The following ACSBG1 variants were observed in gnomAD, a reference collection of about 807,000 sequenced individuals.
The protein encoded by ACSBG1 is long-chain-fatty-acid--CoA ligase ACSBG1.
Under a neutral mutation model 80.2 loss-of-function variants are expected in ACSBG1, and 39 were observed. The ratio of observed to expected loss-of-function variants is 0.49; its 90% CI spans 0.38 to 0.64. ACSBG1 has a LOEUF of 0.64. ACSBG1 is among the 30% of genes least tolerant of loss of function. The probability of loss-of-function intolerance (pLI) is 0.00; values close to 1 mark genes in which losing one functional copy is unlikely to be tolerated. For synonymous variants in ACSBG1, 392 were observed against 379.5 expected (o/e 1.03, Z -0.38); for missense variants, 828 against 966.4 (o/e 0.86, Z 1.90).
At chr15:78,206,439 G>A (rs1472425343) in intron 2 of ACSBG1, among the ~76,000 whole-genome samples, 1 of 152,152 alleles carries the variant, frequency 6.6e-6, no homozygotes, top group Non-Finnish European at 1.5e-5. Context: ...TTGAGGGCAG[G>A]AAAGAAGATT....
At chr15:78,176,120 C>G (rs980713018) in intron 11 of ACSBG1, among the ~76,000 whole-genome samples, 2 of 152,062 alleles carry the variant, frequency 1.3e-5, no homozygotes, top group Non-Finnish European at 2.9e-5. Flanking sequence ...GTTGCCCAGG[C>G]TGGTCTCGAA....
intron 2 of ACSBG1, among the ~76,000 whole-genome samples, chr15:78,206,024 C>T (rs895643281): frequency 6.6e-6 from 1 of 152,188 alleles, no homozygotes; most frequent in Non-Finnish European, 1.5e-5. Flanking sequence ...GCTCCCCCTC[C>T]ACCCCCAAGG....
chr15:78,229,073 CCTT>C (rs1439220429), intron 1 of ACSBG1, among the ~76,000 whole-genome samples: 1 of 26,236 alleles, frequency 3.8e-5, no homozygotes, highest in Non-Finnish European at 1.1e-4. Context: ...GATTATATTC[CCTT>C]TTTTTTTTTT....
chr15:78,233,295 T>G (rs2075463627), intron 1 of ACSBG1, among the ~76,000 whole-genome samples: 1 of 152,202 alleles, frequency 6.6e-6, no homozygotes, highest in African/African-American at 2.4e-5. Context: ...AGGGCCCAGA[T>G]GCCAGCCCTC....
chr15:78,215,784 AAG>A (rs1284722394), intron 1 of ACSBG1, among the ~76,000 whole-genome samples: 37 of 136,312 alleles, frequency 2.7e-4, no homozygotes, highest in South Asian at 7.2e-4. Context: ...GAAAGAAAGA[AAG>A]AGAAAGAAAG....
Position 78,182,688 on chromosome 15 carries a change from G to T in ACSBG1, c.744+17C>A, listed in dbSNP as rs1016596480. On this transcript the variant is annotated intron_variant, in intron 6 of 13. Coordinates refer to ENST00000258873, the MANE Select transcript of ACSBG1 (RefSeq NM_015162.5). ...CCAATAGGCCCCACCTGGCGCCCAG[G>T]GCCCCACTGCCCATACCGTGTACAC... The T allele has an allele frequency of 3.1e-6, 5 of 1,613,980 alleles. No homozygotes were observed. The highest frequency in any genetic ancestry group is 1.3e-5 in the African/African-American group (1 of 74,940).
Position 78,182,557 on chromosome 15 carries a change from A to G in ACSBG1, c.803T>C (p.Ile268Thr). 1 of 1,614,158 alleles carries G rather than the reference A, an allele frequency of 6.2e-7. No individual in the cohort carries two copies. The highest frequency in any genetic ancestry group is 1.7e-5 in the Admixed American group (1 of 60,006). The stretch of plus-strand genomic sequence containing the variant: ...GCACTGGTTGGGCTGCTGGGTGTCA[A>G]TGATGGCGTCCAGGGCTTCCTCAGG... ...EVPEEALDAI[I>T]DTQQPNQCCV... is the part of the protein sequence containing the mutation. Residue 268 changes from isoleucine to threonine, a missense_variant, in exon 7 of 14, where the codon ATT (isoleucine) becomes ACT (threonine). Coordinates refer to ENST00000258873, the MANE Select transcript of ACSBG1 (RefSeq NM_015162.5).
chr15:78,193,849 T>G, intron 4 of ACSBG1, 83 bp downstream of exon 4: 1 of 1,521,454 alleles, frequency 6.6e-7, no homozygotes, highest in South Asian at 1.2e-5. Context: ...GGGTGGGGGC[T>G]GCTAAAAAGA....
intron 1 of ACSBG1, among the ~76,000 whole-genome samples, chr15:78,230,442 T>C (rs529292754): frequency 6.6e-6 from 1 of 152,250 alleles, no homozygotes; most frequent in African/African-American, 2.4e-5. Context: ...AGGGGGAAGA[T>C]AAGCCCCTCT....
Position 78,193,570 on chromosome 15 carries a change from G to T in ACSBG1, c.599C>A (p.Ala200Asp). ...GATGACATTGGCGCAGCAGTCATAA[G>T]CGATGTACTGGCAGGCCTCTGGGGA... ...TSSPEACQYI[A>D]YDCCANVIMV... is the part of the protein sequence containing the mutation. The change falls in exon 5 of 14, where the codon GCT becomes GAT. Residue 200 changes from alanine (A) to aspartate (D), a missense_variant. Ala to Asp is a moderately radical substitution (Grantham distance 126, BLOSUM62 -2). Around this residue, in one of 3 missense-constraint regions of ACSBG1, gnomAD observed 356 missense variants for 363.5 expected, o/e 0.98. Coordinates refer to ENST00000258873, the MANE Select transcript of ACSBG1 (RefSeq NM_015162.5). 2 of 1,613,922 alleles carry T rather than the reference G, an allele frequency of 1.2e-6. No individual in the cohort carries two copies. The highest frequency in any genetic ancestry group is 8.5e-7 in the Non-Finnish European group (1 of 1,179,858).
chr15:78,198,799 A>G (rs2075139318), intron 2 of ACSBG1, among the ~76,000 whole-genome samples: 1 of 152,216 alleles, frequency 6.6e-6, no homozygotes, highest in South Asian at 2.1e-4. Flanking sequence ...ATTGCTTTTT[A>G]TGAAAAATAA....
chr15:78,187,908 T>C (rs1387739754), intron 5 of ACSBG1, among the ~76,000 whole-genome samples: 5 of 152,104 alleles, frequency 3.3e-5, no homozygotes, highest in Admixed American at 6.5e-5. Context: ...GATGACATGA[T>C]TGTATATCTA....
At chr15:78,220,333 G>A (rs2075350415) in intron 1 of ACSBG1, among the ~76,000 whole-genome samples, 1 of 152,092 alleles carries the variant, frequency 6.6e-6, no homozygotes, top group Non-Finnish European at 1.5e-5. Flanking sequence ...TAACTCAAAT[G>A]TATAAAAGAT....
intron 1 of ACSBG1, chr15:78,212,718 C>G (rs1015504067): frequency 2.5e-6 from 1 of 399,602 alleles, no homozygotes; most frequent in Admixed American, 2.7e-5. Context: ...CCGGCTCCAC[C>G]GGACCGCCCT....
chr15:78,194,705 C>T lies in ACSBG1; in HGVS notation c.254G>A (p.Arg85Gln), dbSNP rs377206732. The change falls in exon 3 of 14, where the codon CGG becomes CAG. Residue 85 changes from arginine to glutamine, a missense_variant. Physicochemically the swap from Arg to Gln is conservative, Grantham distance 43. Transcript: ENST00000258873. The part of the protein sequence containing the change: ...DAPEEALWTT[R>Q]ADGRVRLRID... The stretch of plus-strand genomic sequence containing the variant: ...GCGCAGGCGCACCCGCCCATCGGCC[C>T]GAGTCGTCCACAGCGCCTCCTCTGT... 1.2e-5 allele frequency: 19 copies of T among 1,612,814 alleles called. No individual in the cohort carries two copies. The highest frequency in any genetic ancestry group is 1.1e-4 in the African/African-American group (8 of 74,862).
Position 78,177,471 on chromosome 15 carries a change from G to A in ACSBG1, c.1702+1143C>T, listed in dbSNP as rs891850910. On this transcript the variant is annotated intron_variant, in intron 11 of 13. Transcript: ENST00000258873. This position sits in a 1 kb window ranked among gnomAD's most constrained non-coding sequence, Gnocchi z 4.1. ...TATACTAGTTCTAAAAGGAGGGCCG[G>A]CTCTGGTTGAATTTGGTTTTCTGGC... 1.3e-5 allele frequency among the ~76,000 whole-genome samples: 2 copies of A among 152,210 alleles called. No homozygotes were observed. The highest frequency in any genetic ancestry group is 2.4e-5 in the African/African-American group (1 of 41,448).
At chr15:78,221,693 G>T (rs1194973132) in intron 1 of ACSBG1, among the ~76,000 whole-genome samples, 2 of 152,108 alleles carry the variant, frequency 1.3e-5, no homozygotes, top group African/African-American at 4.8e-5. Context: ...TCAGTGGGGG[G>T]AAACTTTGGA....
rs763873166 is a variant in ACSBG1 at position 78,194,583 on chromosome 15, G to A, written c.376C>T (p.Arg126Cys). 14 of 1,614,236 alleles carry A rather than the reference G, an allele frequency of 8.7e-6. No individual in the cohort carries two copies. The highest frequency in any genetic ancestry group is 5.5e-5 in the South Asian group (5 of 91,088). The change falls in exon 3 of 14, where the codon CGC becomes TGC. Residue 126 changes from arginine (R) to cysteine (C), a missense_variant. Arg to Cys is a radical substitution (Grantham distance 180). Around this residue, in one of 3 missense-constraint regions of ACSBG1, gnomAD observed 356 missense variants for 363.5 expected, o/e 0.98. Transcript: ENST00000258873. ...YGDLIALGFKRQDKWEHISYS... is the reference protein window; with the variant it reads ...YGDLIALGFKCQDKWEHISYS... The stretch of plus-strand genomic sequence containing the variant: ...GAGATGTGTTCCCACTTGTCCTGGC[G>A]CTTGAAGCCCAAAGCGATGAGGTCC...
Position 78,178,888 on chromosome 15 carries a change from A to G in ACSBG1, c.1485-57T>C. On this transcript the variant is annotated intron_variant, in intron 10 of 13. Coordinates refer to ENST00000258873, the MANE Select transcript of ACSBG1 (RefSeq NM_015162.5). This position sits in a 1 kb window ranked among gnomAD's most constrained non-coding sequence, Gnocchi z 4.3. ...AGGGAGCCGTCTCCTCCAAGCCCCC[A>G]CTGGGGAGCCGGGGTCCCAACTGCT... 6.6e-7 allele frequency: 1 copy of G among 1,524,070 alleles called. No homozygotes were observed. The highest frequency in any genetic ancestry group is 8.8e-7 in the Non-Finnish European group (1 of 1,136,266). The allele number at this position is 1,524,070 out of a possible 1,614,324, so 94.4% of individuals were successfully genotyped here.
Sources: gnomAD v4.1 joint callset for allele counts (sites outside exome capture counted in the v4.1 genomes callset) on GRCh38, gnomAD v4.1.1 for gene constraint, gnomAD v4.1.1 regional missense constraint, Gnocchi (gnomAD v3.1) non-coding constraint, MANE v1.5 for transcripts, NCBI Gene and HGNC (gene_info 2026-07-23, HGNC 2026-07-21) for gene names.